The following ESRRG variants were observed in gnomAD, a reference collection of about 807,000 sequenced individuals.
ESRRG encodes the protein estrogen related receptor gamma, also known as estrogen-related receptor gamma.
A neutral mutation model predicts 44.0 loss-of-function variants in ESRRG; 13 were observed. The ratio of observed to expected loss-of-function variants is 0.30; its 90% CI spans 0.19 to 0.47. The LOEUF (loss-of-function observed/expected upper bound fraction) is 0.47. Ranked by LOEUF, ESRRG falls within the 20% of genes least tolerant of loss-of-function variation. ESRRG has a pLI of 1.00. For missense variants in ESRRG, 395 were observed against 580.6 expected (o/e 0.68, Z 3.29); for synonymous variants, 215 against 214.6 (o/e 1.00, Z -0.02).
At chr1:216,786,802 T>C (rs1329820583) in intron 2 of ESRRG, among the ~76,000 whole-genome samples, 1 of 152,084 alleles carries the variant, frequency 6.6e-6, no homozygotes, top group Non-Finnish European at 1.5e-5. Flanking sequence ...AAAAATACAA[T>C]TATACAATAG....
chr1:216,559,621 A>G (rs978631805), intron 5 of ESRRG, among the ~76,000 whole-genome samples: 1 of 152,226 alleles, frequency 6.6e-6, no homozygotes, highest in African/African-American at 2.4e-5. Context: ...CATAGTTTAC[A>G]TTATAAACGG....
At chr1:216,681,291 GT>G (rs2076985646) in intron 1 of ESRRG, among the ~76,000 whole-genome samples, 1 of 151,934 alleles carries the variant, frequency 6.6e-6, no homozygotes, top group African/African-American at 2.4e-5. Context: ...GAGACACTAG[GT>G]TTTATTTTAT....
intron 3 of ESRRG, among the ~76,000 whole-genome samples, chr1:216,580,486 G>A (rs1558623976): frequency 6.6e-6 from 1 of 152,128 alleles, no homozygotes; most frequent in African/African-American, 2.4e-5. Flanking sequence ...GATATGCTGT[G>A]AAAACCTCAG....
chr1:216,865,902 C>A (rs1216082950), intron 2 of ESRRG, among the ~76,000 whole-genome samples: 1 of 152,092 alleles, frequency 6.6e-6, no homozygotes, highest in Non-Finnish European at 1.5e-5. Context: ...CTATATTGTA[C>A]AAGTTCCAGA....
At chr1:216,919,857 C>T (rs1207894151) in intron 2 of ESRRG, among the ~76,000 whole-genome samples, 4 of 152,074 alleles carry the variant, frequency 2.6e-5, no homozygotes, top group African/African-American at 9.7e-5. Context: ...TGCCAGACAC[C>T]CAAGTAAGAG....
chr1:216,875,651 CATTT>C (rs1248791265), intron 2 of ESRRG, among the ~76,000 whole-genome samples: 3 of 151,770 alleles, frequency 2.0e-5, no homozygotes, highest in African/African-American at 7.3e-5. Context: ...TATTTATATT[CATTT>C]ATTACTTCAT....
At chr1:216,704,055 T>C (rs934457957) in intron 1 of ESRRG, among the ~76,000 whole-genome samples, 3 of 152,196 alleles carry the variant, frequency 2.0e-5, no homozygotes, top group African/African-American at 7.2e-5. Context: ...TGGTTACCTT[T>C]TGAGTTAGCA....
At chr1:216,522,854 T>C (rs1374996043) in intron 5 of ESRRG, among the ~76,000 whole-genome samples, 1 of 152,150 alleles carries the variant, frequency 6.6e-6, no homozygotes. Flanking sequence ...TTACACATGC[T>C]TGTATCCAAA....
intron 2 of ESRRG, among the ~76,000 whole-genome samples, chr1:216,938,564 G>C (rs142107640): frequency 6.6e-6 from 1 of 152,164 alleles, no homozygotes; most frequent in African/African-American, 2.4e-5. Flanking sequence ...CCATGAAAAA[G>C]GTAATTCAAC....
chr1:216,769,392 G>A (rs1377596061), intron 2 of ESRRG, among the ~76,000 whole-genome samples: 1 of 152,120 alleles, frequency 6.6e-6, no homozygotes, highest in Non-Finnish European at 1.5e-5. Flanking sequence ...AGAACTGAAA[G>A]AGTAAACAAA....
chr1:216,928,136 T>C (rs539572218), intron 2 of ESRRG, among the ~76,000 whole-genome samples: 28 of 152,290 alleles, frequency 1.8e-4, no homozygotes, highest in African/African-American at 6.0e-4. Flanking sequence ...TGTTGTTAAT[T>C]ATAGAATAGA....
intron 5 of ESRRG, among the ~76,000 whole-genome samples, chr1:216,537,243 A>G (rs1193975650): frequency 6.6e-6 from 1 of 152,026 alleles, no homozygotes; most frequent in Non-Finnish European, 1.5e-5. Context: ...CCCCTTCTCC[A>G]TAACAGAGCA....
intron 1 of ESRRG, among the ~76,000 whole-genome samples, chr1:217,071,491 T>C (rs1367684187): frequency 6.6e-6 from 1 of 152,188 alleles, no homozygotes; most frequent in African/African-American, 2.4e-5. Flanking sequence ...TTATATCAAT[T>C]AAGATACTGG....
chr1:216,787,939 C>T (rs1456804076), intron 2 of ESRRG, among the ~76,000 whole-genome samples: 1 of 152,094 alleles, frequency 6.6e-6, no homozygotes, highest in East Asian at 1.9e-4. Context: ...TAAGCCAAAG[C>T]CTAATCCAGA....
At chr1:216,711,827 T>C (rs1295929366) in intron 1 of ESRRG, among the ~76,000 whole-genome samples, 1 of 152,212 alleles carries the variant, frequency 6.6e-6, no homozygotes, top group African/African-American at 2.4e-5. Flanking sequence ...TTTAAAAAAG[T>C]TGTTGCTTTC....
chr1:216,663,954 G>C (rs77744762), intron 2 of ESRRG, among the ~76,000 whole-genome samples: 1 of 152,052 alleles, frequency 6.6e-6, no homozygotes, highest in Non-Finnish European at 1.5e-5. Flanking sequence ...GAAGAGTTGC[G>C]CTCTCAAGCT....
At chr1:216,798,860 G>A (rs893851365) in intron 2 of ESRRG, among the ~76,000 whole-genome samples, 9 of 152,088 alleles carry the variant, frequency 5.9e-5, no homozygotes, top group African/African-American at 2.2e-4. Flanking sequence ...GTTAATATAT[G>A]CAAAGCATTT....
chr1:216,677,616 G>A (rs1272512578), intron 1 of ESRRG, 125 bp from the exon 2 acceptor site: 1 of 789,880 alleles, frequency 1.3e-6, no homozygotes, highest in Non-Finnish European at 2.0e-6. Flanking sequence ...GTAAAAGGAG[G>A]AAAAAAACAG....
chr1:216,773,150 A>C (rs1035156996), intron 2 of ESRRG, among the ~76,000 whole-genome samples: 1 of 152,050 alleles, frequency 6.6e-6, no homozygotes, highest in Non-Finnish European at 1.5e-5. Context: ...AAAGGAAAAA[A>C]CTGAACTTAA....
Sources: gnomAD v4.1 joint callset for allele counts (sites outside exome capture counted in the v4.1 genomes callset) on GRCh38, gnomAD v4.1.1 for gene constraint, MANE v1.5 for transcripts, NCBI Gene and HGNC (gene_info 2026-07-23, HGNC 2026-07-21) for gene names.